Variants in SLC9A3 observed in about 807,000 individuals in gnomAD.
The protein encoded by SLC9A3 is solute carrier family 9 member A3.
SLC9A3 carries 37 observed loss-of-function variants against 86.8 expected under a neutral mutation model. The ratio of observed to expected loss-of-function variants is 0.43; its 90% CI spans 0.33 to 0.56. SLC9A3 has a LOEUF of 0.56. Among genes scored for constraint, SLC9A3 ranks in the 20% least tolerant of loss-of-function variants. The pLI, the probability that SLC9A3 is intolerant of heterozygous loss-of-function variation, is 0.06. For missense variants in SLC9A3, 1,011 were observed against 1,171.9 expected (o/e 0.86, Z 2.00); for synonymous variants, 581 against 528.3 (o/e 1.10, Z -1.37).
At chr5:483,613 C>T (rs1739325710) in intron 5 of SLC9A3, 131 bp from the exon 6 acceptor site, 1 of 698,054 alleles carries the variant, frequency 1.4e-6, no homozygotes, top group Non-Finnish European at 2.5e-6. Flanking sequence ...GGGGCCTCTT[C>T]CTCCCGAGCC....
intron 1 of SLC9A3, among the ~76,000 whole-genome samples, chr5:515,056 G>A (rs1030581002): frequency 6.6e-5 from 10 of 152,136 alleles, no homozygotes; most frequent in Admixed American, 5.2e-4. Flanking sequence ...GCTTGGCACA[G>A]GTCACCTGGT....
intron 16 of SLC9A3, among the ~76,000 whole-genome samples, chr5:474,191 G>GA: frequency 7.9e-6 from 1 of 126,346 alleles, no homozygotes; most frequent in Middle Eastern, 4.6e-3. Context: ...TAGGCGGGGA[G>GA]GGAGAGAGAG....
intron 1 of SLC9A3, among the ~76,000 whole-genome samples, chr5:492,900 G>A (rs1390609858): frequency 1.3e-5 from 2 of 152,132 alleles, no homozygotes; most frequent in African/African-American, 2.4e-5. Flanking sequence ...CCCCTGGGTG[G>A]GGTGTTCTAG....
At chr5:519,151 G>A (rs77832292) in intron 1 of SLC9A3, among the ~76,000 whole-genome samples, 2,147 of 152,196 alleles carry the variant, frequency 0.014, 46 homozygotes, top group African/African-American at 0.049. Context: ...GGCCTCCCGT[G>A]ATGGCTCCTG....
chr5:498,650 C>A (rs1159937602), intron 1 of SLC9A3, among the ~76,000 whole-genome samples: 2 of 152,156 alleles, frequency 1.3e-5, no homozygotes, highest in African/African-American at 4.8e-5. Context: ...GACACGCCCA[C>A]CTCGGTCGTC....
intron 1 of SLC9A3, among the ~76,000 whole-genome samples, chr5:501,181 C>T (rs532268700): frequency 1.6e-3 from 240 of 152,254 alleles, no homozygotes; most frequent in Middle Eastern, 6.8e-3. Flanking sequence ...TCCGGATGGG[C>T]GCCGGAAAGG....
In SLC9A3 at chr5:507,183, T is replaced by G. The variant is rs112720946; in HGVS notation, c.212-15112A>C. Among the ~76,000 whole-genome samples, 52 of 88,928 alleles carry G rather than the reference T, an allele frequency of 5.8e-4. 1 individual carries two copies. The highest frequency in any genetic ancestry group is 2.7e-3 in the African/African-American group (49 of 18,434). 58.3% of individuals were successfully genotyped at this position (88,928 alleles called of 152,430 possible). ...TGCTGCTTCTTTTTTTTTTTTTTTT[T>G]TTTGAGACGGAGTCTGGCTCTGTTG... On this transcript the variant is annotated intron_variant, in intron 1 of 16. Coordinates refer to ENST00000264938, the MANE Select transcript of SLC9A3 (RefSeq NM_004174.4).
At chr5:485,897 C>G (rs112431896) in intron 3 of SLC9A3, among the ~76,000 whole-genome samples, 1 of 152,280 alleles carries the variant, frequency 6.6e-6, no homozygotes, top group South Asian at 2.1e-4. Context: ...GGGGCCTTCT[C>G]GGAGCTGGGC....
intron 1 of SLC9A3, among the ~76,000 whole-genome samples, chr5:520,908 G>C (rs1211631061): frequency 6.6e-6 from 1 of 152,154 alleles, no homozygotes; most frequent in Non-Finnish European, 1.5e-5. Context: ...CCTGGCCCAG[G>C]GTTCCCAACA....
chr5:507,151 A>T (rs1188202416), intron 1 of SLC9A3, among the ~76,000 whole-genome samples: 2 of 105,062 alleles, frequency 1.9e-5, no homozygotes, highest in African/African-American at 7.0e-5. Context: ...AGAAGGAGGG[A>T]TCCGGCTGCT....
chr5:514,017 G>A (rs369783864), intron 1 of SLC9A3, among the ~76,000 whole-genome samples: 5 of 152,246 alleles, frequency 3.3e-5, no homozygotes, highest in African/African-American at 1.2e-4. Flanking sequence ...TGTGTGCTGG[G>A]TGTGGGCGGT....
At chr5:506,418 C>G (rs887216545) in intron 1 of SLC9A3, among the ~76,000 whole-genome samples, 7 of 152,188 alleles carry the variant, frequency 4.6e-5, no homozygotes, top group Non-Finnish European at 8.8e-5. Context: ...CCCCGTGTCT[C>G]CATCATTTGC....
rs1738367563 is a variant in SLC9A3 at position 471,735 on chromosome 5, G to A, written c.*1644C>T. 1 of 453,868 alleles carries A rather than the reference G, an allele frequency of 2.2e-6. No individual in the cohort carries two copies. The highest frequency in any genetic ancestry group is 2.0e-5 in the African/African-American group (1 of 49,968). 28.1% of individuals were successfully genotyped at this position (453,868 alleles called of 1,614,324 possible). A position where few individuals can be genotyped will look rare whatever the true frequency, so the allele number is the denominator to read the frequency against. On this transcript the variant is annotated 3_prime_UTR_variant, in exon 17 of 17. Transcript: ENST00000264938. ...TGAATCCCAAAAAGTCACTGCGCTT[G>A]ATCTGATCCAAGTAACAGTGACTGC...
Position 524,182 on chromosome 5 carries a change from GA to G in SLC9A3, c.140del (p.Phe47SerfsTer64). 6.5e-7 allele frequency: 1 copy of G among 1,547,130 alleles called. No individual in the cohort carries two copies. Among genetic ancestry groups the G allele is most frequent in the Admixed American group, 1.9e-5 (1 of 51,672 alleles). ...AGGGATCCTGCACGTGGGCCCACTC[GA>G]AGGTGACCACCTGGAAGCCCCCGCT... ...GESGGFQVVT[F>X]EWAHVQDPYV... On this transcript the variant is annotated frameshift_variant, in exon 1 of 17. Coordinates refer to ENST00000264938, the MANE Select transcript of SLC9A3 (RefSeq NM_004174.4). LOFTEE classifies it high-confidence loss of function.
chr5:504,597 A>AC lies in SLC9A3; in HGVS notation c.212-12527dup, dbSNP rs112882921. On this transcript the variant is annotated intron_variant, in intron 1 of 16. Transcript: ENST00000264938. ...CACGGCCCCGCTGCCTCCTCCTGTC[A>AC]CCCCCGGGTGAGCCCAGAGGGCTCG... Among the ~76,000 whole-genome samples the AC allele has an allele frequency of 2.9e-3, 440 of 151,926 alleles. 2 individuals are homozygous for AC. The highest frequency in any genetic ancestry group is 0.01 in the African/African-American group (425 of 41,422).
At position 488,463 on chromosome 5, in the gene SLC9A3, A is replaced by C; in HGVS notation, c.528T>G (p.Ile176Met). ...CAAACAGGAGGAAGTCCAGCAGCCC[A>C]ATCTGCAGGTCGCCTGGAAGACAAG... ...FLSGLMGDLQ[I>M]GLLDFLLFGS... Residue 176 changes from isoleucine to methionine, a missense_variant, in exon 3 of 17, where the codon ATT becomes ATG. By Grantham distance (10) the Ile-to-Met change is conservative. Around this residue, in one of 3 missense-constraint regions of SLC9A3, gnomAD observed 565 missense variants for 790.0 expected, o/e 0.72. Coordinates refer to ENST00000264938, the MANE Select transcript of SLC9A3 (RefSeq NM_004174.4). 6.4e-7 allele frequency: 1 copy of C among 1,572,586 alleles called. No individual in the cohort carries two copies. The highest frequency in any genetic ancestry group is 8.7e-7 in the Non-Finnish European group (1 of 1,155,964).
Position 497,238 on chromosome 5 carries a change from G to A in SLC9A3, c.212-5167C>T, listed in dbSNP as rs890926598. ...CTCCCGGTGCCCAGGCCGCTGCCCC[G>A]CAGGTGCCCCTCAAGTCACACCACT... On this transcript the variant is annotated intron_variant, in intron 1 of 16. Coordinates refer to ENST00000264938, the MANE Select transcript of SLC9A3 (RefSeq NM_004174.4). The surrounding 1 kb of genome is among the most constrained non-coding windows in gnomAD (Gnocchi z 5.4). Among the ~76,000 whole-genome samples, 5 of 152,096 alleles carry A rather than the reference G, an allele frequency of 3.3e-5. No homozygotes were observed. The highest frequency in any genetic ancestry group is 1.3e-4 in the Admixed American group (2 of 15,272).
In SLC9A3 at chr5:488,334, C is replaced by T. The variant is rs751744440; in HGVS notation, c.657G>A (p.Leu219=). The T allele has an allele frequency of 6.2e-7, 1 of 1,612,712 alleles. No homozygotes were observed. The highest frequency in any genetic ancestry group is 8.5e-7 in the Non-Finnish European group (1 of 1,179,878). Residue 219 remains leucine (L), a synonymous_variant, in exon 3 of 17, where the codon CTG becomes CTA. Coordinates refer to ENST00000264938, the MANE Select transcript of SLC9A3 (RefSeq NM_004174.4). The part of the protein sequence containing the change: ...LFIIVFGESL[L]NDAVTVVLYN... Reference sequence around the variant, plus strand: ...TGCTCACCACGGTGACTGCGTCGTTCAGCAGCGACTCCCCGAAGACGATGA... The same window carrying T: ...TGCTCACCACGGTGACTGCGTCGTTTAGCAGCGACTCCCCGAAGACGATGA...
rs374666398 is a variant in SLC9A3 at position 491,020 on chromosome 5, G to A, written c.514+749C>T. 1.1e-4 allele frequency among the ~76,000 whole-genome samples: 17 copies of A among 152,358 alleles called. No individual in the cohort carries two copies. The highest frequency in any genetic ancestry group is 2.0e-4 in the Admixed American group (3 of 15,314). ...GAGAGGCCGGGCCGTGCTCTCTCTTGAACCAGACGGAAAATCGCCAATTCT... is the reference window on the plus strand; with the variant it reads ...GAGAGGCCGGGCCGTGCTCTCTCTTAAACCAGACGGAAAATCGCCAATTCT... On this transcript the variant is annotated intron_variant, in intron 2 of 16. Transcript: ENST00000264938. This position sits in a 1 kb window ranked among gnomAD's most constrained non-coding sequence, Gnocchi z 9.2.
Sources: gnomAD v4.1 joint callset for allele counts (sites outside exome capture counted in the v4.1 genomes callset) on GRCh38, gnomAD v4.1.1 for gene constraint, gnomAD v4.1.1 regional missense constraint, Gnocchi (gnomAD v3.1) non-coding constraint, MANE v1.5 for transcripts, NCBI Gene and HGNC (gene_info 2026-07-23, HGNC 2026-07-21) for gene names.